Variants in FER observed in about 807,000 individuals in gnomAD.
FER encodes the protein FER tyrosine kinase.
A neutral mutation model predicts 111.0 loss-of-function variants in FER; 63 were observed. The observed-to-expected ratio is 0.57, with a 90% CI of 0.46 to 0.70. The LOEUF (loss-of-function observed/expected upper bound fraction) is 0.70, where lower values mean the gene tolerates loss of function less well. Ranked by LOEUF, FER falls within the 30% of genes least tolerant of loss-of-function variation. FER has a pLI of 0.00. For synonymous variants in FER, 327 were observed against 313.9 expected, an observed-to-expected ratio of 1.04 and a Z score of -0.44; for missense variants, 914 against 954.0, an observed-to-expected ratio of 0.96 and a Z score of 0.55.
chr5:109,140,187 TAATTC>T (rs1400057869), intron 17 of FER, among the ~76,000 whole-genome samples: 1 of 152,348 alleles, frequency 6.6e-6, no homozygotes, highest in South Asian at 2.1e-4. Flanking sequence ...GAGTGGCTCT[TAATTC>T]AAATAAAGCT....
intron 13 of FER, among the ~76,000 whole-genome samples, chr5:109,007,454 A>G (rs571698700): frequency 5.8e-5 from 7 of 120,446 alleles, no homozygotes; most frequent in African/African-American, 2.0e-4. Context: ...AAATTATTCT[A>G]TGCCCCTTTC....
intron 10 of FER, among the ~76,000 whole-genome samples, chr5:108,926,239 AT>A (rs149303798): frequency 7.3e-5 from 11 of 150,084 alleles, no homozygotes; most frequent in Non-Finnish European, 8.9e-5. Context: ...TTTTCTATGT[AT>A]TTTTTTATAC....
intron 13 of FER, chr5:109,015,011 G>A (rs898920331): frequency 6.6e-6 from 1 of 152,006 alleles, no homozygotes; most frequent in African/African-American, 2.4e-5. Flanking sequence ...AAATGTCTCT[G>A]TAGGTGGTAA....
chr5:108,841,854 G>A (rs1035816849), intron 5 of FER: 2 of 424,090 alleles, frequency 4.7e-6, no homozygotes, highest in Admixed American at 2.8e-5. Context: ...GATGGTTGTG[G>A]GAATAAATTA....
intron 2 of FER, among the ~76,000 whole-genome samples, chr5:108,770,182 A>G (rs1752745734): frequency 6.6e-6 from 1 of 152,234 alleles, no homozygotes; most frequent in African/African-American, 2.4e-5. Flanking sequence ...TCCCGGCCTC[A>G]GGTGATCCTC....
chr5:108,980,132 C>G (rs1761862423), intron 13 of FER, among the ~76,000 whole-genome samples: 1 of 151,948 alleles, frequency 6.6e-6, no homozygotes, highest in Non-Finnish European at 1.5e-5. Context: ...ACAAAACAAA[C>G]AACATAAAAA....
At chr5:108,997,813 T>TC (rs1561744619) in intron 13 of FER, among the ~76,000 whole-genome samples, 1 of 152,128 alleles carries the variant, frequency 6.6e-6, no homozygotes, top group African/African-American at 2.4e-5. Flanking sequence ...TGCCTTTTTT[T>TC]CAGAGATGCC....
chr5:108,773,267 C>G (rs1262238283), intron 2 of FER, among the ~76,000 whole-genome samples: 2 of 151,780 alleles, frequency 1.3e-5, no homozygotes, highest in Non-Finnish European at 2.9e-5. Flanking sequence ...CATGGTGGTT[C>G]GCTGCACAGA....
intron 1 of FER, among the ~76,000 whole-genome samples, chr5:108,765,932 ATTT>A (rs759888534): frequency 6.9e-6 from 1 of 144,720 alleles, no homozygotes. Flanking sequence ...TCATGACTGA[ATTT>A]TTTTTTTTTT....
intron 17 of FER, among the ~76,000 whole-genome samples, chr5:109,124,772 C>A (rs572643086): frequency 6.6e-6 from 1 of 151,964 alleles, no homozygotes; most frequent in Admixed American, 6.6e-5. Context: ...TTGGGCCGGG[C>A]GCGGTGGCTC....
chr5:109,163,985 G>A (rs10069467), intron 17 of FER, among the ~76,000 whole-genome samples: 61,348 of 151,950 alleles, frequency 0.4, 12,689 homozygotes, highest in African/African-American at 0.45. Flanking sequence ...TTATTGCATA[G>A]TGGTTGTTTT....
chr5:108,771,934 G>T (rs1356233146), intron 2 of FER, among the ~76,000 whole-genome samples: 2 of 152,128 alleles, frequency 1.3e-5, no homozygotes, highest in Non-Finnish European at 2.9e-5. Flanking sequence ...CAAAATACCT[G>T]AGACTGAGTA....
At chr5:108,893,161 G>C (rs1581085359) in intron 9 of FER, among the ~76,000 whole-genome samples, 1 of 151,936 alleles carries the variant, frequency 6.6e-6, no homozygotes, top group East Asian at 1.9e-4. Flanking sequence ...GCTCTTTTTT[G>C]GTTCCATATG....
chr5:109,026,229 C>A (rs1768715255), intron 13 of FER, among the ~76,000 whole-genome samples: 1 of 152,064 alleles, frequency 6.6e-6, no homozygotes, highest in Non-Finnish European at 1.5e-5. Flanking sequence ...CATACAAGAA[C>A]TATTTTATGT....
intron 18 of FER, 83 bp from the exon 19 acceptor site, chr5:109,186,117 C>G: frequency 1.9e-6 from 3 of 1,578,248 alleles, no homozygotes; most frequent in South Asian, 2.2e-5. Context: ...TGGTGCATGA[C>G]TGACACAGAC....
chr5:108,966,909 C>T (rs1448150937), intron 13 of FER, among the ~76,000 whole-genome samples: 1 of 151,998 alleles, frequency 6.6e-6, no homozygotes, highest in Non-Finnish European at 1.5e-5. Context: ...AGCCATAGAA[C>T]AAAAACAACA....
chr5:108,948,718 G>A (rs1261344744), intron 11 of FER, among the ~76,000 whole-genome samples: 6 of 151,996 alleles, frequency 3.9e-5, no homozygotes, highest in African/African-American at 1.2e-4. Flanking sequence ...TTTTTCTAGG[G>A]CCATCTATCT....
At chr5:108,940,779 A>G (rs1756147207) in intron 10 of FER, among the ~76,000 whole-genome samples, 1 of 152,100 alleles carries the variant, frequency 6.6e-6, no homozygotes, top group South Asian at 2.1e-4. Context: ...GAAATCCTCA[A>G]TACATCAGAA....
chr5:108,943,692 A>G (rs1756573822), intron 10 of FER, among the ~76,000 whole-genome samples: 1 of 151,968 alleles, frequency 6.6e-6, no homozygotes. Context: ...ACTTTAAGTA[A>G]TTTAGGTATT....
Sources: allele counts gnomAD v4.1 joint callset (sites outside exome capture counted in the v4.1 genomes callset), GRCh38; gene constraint gnomAD v4.1.1; transcripts MANE v1.5; gene names NCBI Gene and HGNC (gene_info 2026-07-23, HGNC 2026-07-21).